PLCB1: variants seen among roughly 807,000 people sequenced by gnomAD.
PLCB1 encodes 1-phosphatidylinositol 4,5-bisphosphate phosphodiesterase beta-1.
PLCB1 carries 46 observed loss-of-function variants against 161.8 expected under a neutral mutation model. The observed-to-expected ratio is 0.28, with a 90% CI of 0.22 to 0.36. The LOEUF (loss-of-function observed/expected upper bound fraction) is 0.36, where lower values mean the gene tolerates loss of function less well. PLCB1 is among the 10% of genes least tolerant of loss of function. The pLI is 1.00. For synonymous variants in PLCB1, 517 were observed against 503.7 expected (o/e 1.03, Z -0.35); for missense variants, 1,016 against 1,472.5 (o/e 0.69, Z 5.07).
At chr20:8,769,136 T>A (rs1036875545) in intron 26 of PLCB1, among the ~76,000 whole-genome samples, 1 of 152,242 alleles carries the variant, frequency 6.6e-6, no homozygotes, top group Admixed American at 6.5e-5. Flanking sequence ...ACAGTTCTTG[T>A]CTTCCTCAGG....
rs1979837309 is a variant in PLCB1, at chr20:8,724,700, T to C, written c.1626T>C (p.Asn542=). The C allele has an allele frequency of 1.2e-6, 2 of 1,612,228 alleles. No individual in the cohort carries two copies. Among genetic ancestry groups the C allele is most frequent in the East Asian group, 4.5e-5 (2 of 44,840 alleles). The change falls in exon 16 of 32, where the codon AAT becomes AAC. Residue 542 remains asparagine (N), a synonymous_variant. Coordinates refer to ENST00000338037, the MANE Select transcript of PLCB1 (RefSeq NM_015192.4). ...SEAMATEEMS[N]LVNYIQPVKF... is the part of the protein sequence containing the mutation. ...CTATGGCCACAGAAGAAATGTCTAA[T>C]CTGGTGAACTATATTCAGCCAGTCA...
intron 3 of PLCB1, among the ~76,000 whole-genome samples, chr20:8,519,615 C>T (rs1490553080): frequency 2.0e-5 from 3 of 151,828 alleles, no homozygotes; most frequent in Non-Finnish European, 4.4e-5. Context: ...GCCTAGTTTC[C>T]CAGGGTAAAT....
intron 7 of PLCB1, chr20:8,652,470 T>TA (rs1989346706): frequency 6.6e-6 from 1 of 152,170 alleles, no homozygotes; most frequent in African/African-American, 2.4e-5. Context: ...AACTCTGTTT[T>TA]AAATCTCTGT....
At chr20:8,308,272 C>A (rs766606037) in intron 2 of PLCB1, among the ~76,000 whole-genome samples, 5 of 151,874 alleles carry the variant, frequency 3.3e-5, no homozygotes, top group Non-Finnish European at 5.9e-5. Context: ...TATTTATATT[C>A]TTTTAAATAT....
intron 31 of PLCB1, among the ~76,000 whole-genome samples, chr20:8,866,785 A>T (rs1410644635): frequency 6.6e-6 from 1 of 152,172 alleles, no homozygotes; most frequent in African/African-American, 2.4e-5. Flanking sequence ...ATTCAAGCAC[A>T]ACAAGCAGGC....
At chr20:8,733,762 G>A (rs74593801) in intron 19 of PLCB1, among the ~76,000 whole-genome samples, 47 of 146,052 alleles carry the variant, frequency 3.2e-4, no homozygotes, top group Non-Finnish European at 2.4e-4. Context: ...CACATTGTGC[G>A]CATGTACCCT....
At chr20:8,234,356 T>A (rs1192141948) in intron 2 of PLCB1, among the ~76,000 whole-genome samples, 1 of 149,372 alleles carries the variant, frequency 6.7e-6, no homozygotes, top group East Asian at 1.9e-4. Flanking sequence ...ACAGAAATAG[T>A]GTTACAGAAA....
rs556242318 is a variant in PLCB1 at position 8,136,454 on chromosome 20, C to G, written c.99+3704C>G. Among the ~76,000 whole-genome samples the G allele has an allele frequency of 4.1e-4, 62 of 151,828 alleles. No homozygotes were observed. In the East Asian group the frequency reaches 4.9e-3, roughly 12 times the overall value. Reference sequence around the variant, plus strand: ...ATCCTGGCTAACACGGTGAAACCCCCTCTCTACTAAAAATACAAAAAATTA... The same window carrying G: ...ATCCTGGCTAACACGGTGAAACCCCGTCTCTACTAAAAATACAAAAAATTA... On this transcript the variant is annotated intron_variant, in intron 1 of 31. Transcript: ENST00000338037.
At chr20:8,685,808 T>C (rs2123401750) in intron 10 of PLCB1, among the ~76,000 whole-genome samples, 1 of 152,216 alleles carries the variant, frequency 6.6e-6, no homozygotes, top group East Asian at 1.9e-4. Context: ...CAAAAACAAA[T>C]TGACCTGTGA....
chr20:8,174,915 A>AC (rs2051767125), intron 2 of PLCB1, among the ~76,000 whole-genome samples: 1 of 151,932 alleles, frequency 6.6e-6, no homozygotes, highest in Non-Finnish European at 1.5e-5. Flanking sequence ...AATAAAATAA[A>AC]TAAAAAAGAT....
At chr20:8,492,365 A>AAC (rs1982983262) in intron 3 of PLCB1, among the ~76,000 whole-genome samples, 1 of 152,152 alleles carries the variant, frequency 6.6e-6, no homozygotes, top group Non-Finnish European at 1.5e-5. Flanking sequence ...TGCATCTTCC[A>AAC]AATTGAATTC....
At chr20:8,813,293 T>TA (rs1275262206) in intron 31 of PLCB1, among the ~76,000 whole-genome samples, 1 of 152,222 alleles carries the variant, frequency 6.6e-6, no homozygotes, top group East Asian at 1.9e-4. Flanking sequence ...GCAAAGCCTT[T>TA]AAACTCACAT....
intron 3 of PLCB1, among the ~76,000 whole-genome samples, chr20:8,433,898 C>T (rs1980178126): frequency 6.6e-6 from 1 of 152,114 alleles, no homozygotes; most frequent in Admixed American, 6.6e-5. Flanking sequence ...AAGGGATAAG[C>T]TCTTTCTCTG....
chr20:8,818,955 A>G (rs1985205543), intron 31 of PLCB1, among the ~76,000 whole-genome samples: 1 of 152,048 alleles, frequency 6.6e-6, no homozygotes, highest in Non-Finnish European at 1.5e-5. Flanking sequence ...AAAAAAAAAA[A>G]AAAAAGTTCT....
chr20:8,536,009 T>C (rs1985035484), intron 3 of PLCB1, among the ~76,000 whole-genome samples: 1 of 151,930 alleles, frequency 6.6e-6, no homozygotes, highest in Non-Finnish European at 1.5e-5. Flanking sequence ...TTTTCCCTCC[T>C]GAAGTTATAC....
chr20:8,401,333 G>GT (rs1478500829), intron 3 of PLCB1, among the ~76,000 whole-genome samples: 1 of 152,104 alleles, frequency 6.6e-6, no homozygotes, highest in East Asian at 1.9e-4. Context: ...CCAGAATTAT[G>GT]TTTTGTAGTC....
chr20:8,855,449 C>A (rs893885009), intron 31 of PLCB1, among the ~76,000 whole-genome samples: 8 of 152,138 alleles, frequency 5.3e-5, no homozygotes, highest in African/African-American at 1.9e-4. Flanking sequence ...ACCAGCACTC[C>A]CAGACCCAGG....
intron 2 of PLCB1, among the ~76,000 whole-genome samples, chr20:8,312,264 G>A (rs57784054): frequency 0.013 from 1,971 of 152,024 alleles, 24 homozygotes; most frequent in Middle Eastern, 0.034. Flanking sequence ...TCTCAAGCGC[G>A]CATACAATTC....
intron 14 of PLCB1, among the ~76,000 whole-genome samples, chr20:8,718,198 GAC>G (rs1193741522): frequency 6.6e-5 from 10 of 151,822 alleles, no homozygotes; most frequent in Non-Finnish European, 1.5e-5. Flanking sequence ...CCAGCCTGGT[GAC>G]AGAGTGAGAC....
Sources: gnomAD v4.1 joint callset for allele counts (sites outside exome capture counted in the v4.1 genomes callset) on GRCh38, gnomAD v4.1.1 for gene constraint, MANE v1.5 for transcripts, NCBI Gene and HGNC (gene_info 2026-07-23, HGNC 2026-07-21) for gene names.